NECAB1: variants seen among roughly 807,000 people sequenced by gnomAD.
NECAB1 encodes the protein N-terminal EF-hand calcium-binding protein 1.
In NECAB1, 29 loss-of-function variants were observed where a neutral mutation model predicts 57.5. That is an observed-to-expected ratio of 0.50 (90% CI 0.38 to 0.69). The LOEUF is 0.69. Among genes scored for constraint, NECAB1 ranks in the 30% least tolerant of loss-of-function variants. The pLI is 0.00. For missense variants in NECAB1, 372 were observed against 413.8 expected (o/e 0.90, Z 0.88); for synonymous variants, 142 against 147.7 (o/e 0.96, Z 0.28).
At chr8:90,925,964 G>C (rs1462707021) in intron 7 of NECAB1, among the ~76,000 whole-genome samples, 1 of 152,076 alleles carries the variant, frequency 6.6e-6, no homozygotes, top group Admixed American at 6.6e-5. Flanking sequence ...CCATGATCTT[G>C]AAATAAAGGG....
intron 5 of NECAB1, among the ~76,000 whole-genome samples, chr8:90,903,053 C>G (rs1809545350): frequency 6.6e-6 from 1 of 151,720 alleles, no homozygotes; most frequent in Non-Finnish European, 1.5e-5. Context: ...ATACAATTGA[C>G]ATGGAAAGAT....
chr8:90,860,720 G>T (rs564762734), intron 3 of NECAB1, among the ~76,000 whole-genome samples: 99 of 152,296 alleles, frequency 6.5e-4, no homozygotes, highest in African/African-American at 2.3e-3. Context: ...TCAGAAGAGG[G>T]AAAGCTGCAA....
chr8:90,864,012 G>A (rs1808459426), intron 3 of NECAB1, among the ~76,000 whole-genome samples: 1 of 152,068 alleles, frequency 6.6e-6, no homozygotes, highest in Non-Finnish European at 1.5e-5. Context: ...TCCTCAAAGT[G>A]TTACTTGTTC....
chr8:90,792,005 G>C lies in NECAB1; in HGVS notation c.99+20G>C, dbSNP rs759055276. The C allele has an allele frequency of 6.5e-7, 1 of 1,544,580 alleles. No individual in the cohort carries two copies. The highest frequency in any genetic ancestry group is 8.8e-7 in the Non-Finnish European group (1 of 1,141,290). ...CTCGACGTAAGTACAGATGGTGGGAGCTGGGCGGTTGCTTCCCAGCACCTT... is the reference window on the plus strand; with the variant it reads ...CTCGACGTAAGTACAGATGGTGGGACCTGGGCGGTTGCTTCCCAGCACCTT... On this transcript the variant is annotated intron_variant, in intron 1 of 12. Transcript: ENST00000417640.
intron 5 of NECAB1, among the ~76,000 whole-genome samples, chr8:90,901,724 G>A (rs1027963447): frequency 2.0e-5 from 3 of 151,962 alleles, no homozygotes; most frequent in East Asian, 1.9e-4. Context: ...TTTGTTTTTC[G>A]CTTCAACAGA....
chr8:90,934,210 T>C (rs1810476117), intron 8 of NECAB1, 94 bp from the exon 9 acceptor site: 7 of 856,624 alleles, frequency 8.2e-6, no homozygotes, highest in Admixed American at 3.3e-5. Flanking sequence ...TTTGGTTCAA[T>C]GTTAGCCATG....
chr8:90,889,683 C>G (rs1356192423), intron 5 of NECAB1, among the ~76,000 whole-genome samples: 1 of 152,188 alleles, frequency 6.6e-6, no homozygotes, highest in Non-Finnish European at 1.5e-5. Context: ...CATTTGTCAC[C>G]ACATGGGCCT....
chr8:90,864,894 C>T (rs1249807431), intron 3 of NECAB1, among the ~76,000 whole-genome samples: 1 of 152,064 alleles, frequency 6.6e-6, no homozygotes, highest in East Asian at 1.9e-4. Flanking sequence ...CCCACTTATT[C>T]AGTGTGCTCA....
At chr8:90,796,709 G>C (rs1027676022) in intron 1 of NECAB1, among the ~76,000 whole-genome samples, 2 of 152,168 alleles carry the variant, frequency 1.3e-5, no homozygotes, top group African/African-American at 4.8e-5. Flanking sequence ...GCAACCTTAA[G>C]ATCGGCTGAC....
intron 9 of NECAB1, 103 bp from the exon 10 acceptor site, chr8:90,940,683 C>A: frequency 1.2e-6 from 1 of 803,160 alleles, no homozygotes; most frequent in Non-Finnish European, 2.1e-6. Context: ...TTTTGGATGA[C>A]AATCATCTGT....
Position 90,958,313 on chromosome 8 carries a change from G to C in NECAB1, c.*2801G>C, listed in dbSNP as rs865825683. On this transcript the variant is annotated 3_prime_UTR_variant, in exon 13 of 13. Coordinates refer to ENST00000417640, the MANE Select transcript of NECAB1 (RefSeq NM_022351.5). ...ATTGCTCAACTTCTGCTATTCATAT[G>C]GTCTGATTAGTGACATAAGTAGCAG... 1.3e-5 allele frequency: 2 copies of C among 151,504 alleles called. No homozygotes were observed. The highest frequency in any genetic ancestry group is 3.9e-4 in the East Asian group (2 of 5,162). The allele number at this position is 151,504 out of a possible 1,614,324, so 9.4% of individuals were successfully genotyped here.
chr8:90,878,151 C>T (rs1271039314), intron 4 of NECAB1, among the ~76,000 whole-genome samples: 1 of 152,030 alleles, frequency 6.6e-6, no homozygotes, highest in Non-Finnish European at 1.5e-5. Flanking sequence ...ATTCTCCTGC[C>T]TTATCCTCTA....
At chr8:90,903,894 A>C (rs1053470547) in intron 5 of NECAB1, 1 of 152,212 alleles carries the variant, frequency 6.6e-6, no homozygotes, top group Non-Finnish European at 1.5e-5. Context: ...CTGGGGCAAG[A>C]GAAAGCGTAG....
At chr8:90,862,081 T>C (rs1808401888) in intron 3 of NECAB1, among the ~76,000 whole-genome samples, 1 of 152,158 alleles carries the variant, frequency 6.6e-6, no homozygotes, top group African/African-American at 2.4e-5. Context: ...ATTCATTCAA[T>C]AGAGATTCTA....
chr8:90,802,115 G>A (rs1811766997), intron 2 of NECAB1, among the ~76,000 whole-genome samples: 1 of 152,234 alleles, frequency 6.6e-6, no homozygotes, highest in South Asian at 2.1e-4. Context: ...CCCCAGGTCT[G>A]TATGACACGC....
At chr8:90,846,122 C>T (rs562364321) in intron 3 of NECAB1, among the ~76,000 whole-genome samples, 12 of 152,290 alleles carry the variant, frequency 7.9e-5, no homozygotes, top group South Asian at 2.1e-4. Context: ...AATGTAATGC[C>T]GAACACAGCT....
chr8:90,943,346 C>T (rs1371125517), intron 10 of NECAB1, among the ~76,000 whole-genome samples: 1 of 152,124 alleles, frequency 6.6e-6, no homozygotes, highest in East Asian at 1.9e-4. Flanking sequence ...TCTTCGTTCA[C>T]TTCTTATTGC....
intron 5 of NECAB1, among the ~76,000 whole-genome samples, chr8:90,896,088 CTG>C (rs1309458616): frequency 1.3e-5 from 2 of 152,138 alleles, no homozygotes; most frequent in Non-Finnish European, 2.9e-5. Flanking sequence ...TTGTCGGGTG[CTG>C]TGTCATACCA....
intron 8 of NECAB1, among the ~76,000 whole-genome samples, chr8:90,931,632 A>G (rs1459852518): frequency 2.6e-5 from 4 of 152,172 alleles, no homozygotes; most frequent in Non-Finnish European, 5.9e-5. Flanking sequence ...GGCTGGGTGC[A>G]GTGGCTCACG....
Sources: allele counts gnomAD v4.1 joint callset (sites outside exome capture counted in the v4.1 genomes callset), GRCh38; gene constraint gnomAD v4.1.1; transcripts MANE v1.5; gene names NCBI Gene and HGNC (gene_info 2026-07-23, HGNC 2026-07-21).